ATP11A: variants seen among roughly 807,000 people sequenced by gnomAD.
ATP11A encodes the protein ATPase phospholipid transporting 11A, also known as phospholipid-transporting ATPase IH.
In ATP11A, 81 loss-of-function variants were observed where a neutral mutation model predicts 154.4. The ratio of observed to expected loss-of-function variants is 0.52; its 90% CI spans 0.44 to 0.63. The LOEUF (loss-of-function observed/expected upper bound fraction) is 0.63. ATP11A is among the 30% of genes least tolerant of loss of function. ATP11A has a pLI of 0.00. For synonymous variants in ATP11A, 623 were observed against 585.9 expected (o/e 1.06, Z -0.91); for missense variants, 1,316 against 1,474.3 (o/e 0.89, Z 1.76).
chr13:112,751,829 C>T (rs1670286752), intron 1 of ATP11A, among the ~76,000 whole-genome samples: 1 of 151,944 alleles, frequency 6.6e-6, no homozygotes, highest in South Asian at 2.1e-4. Context: ...CAGTGATTCT[C>T]CCGCCTCAGA....
chr13:112,745,880 C>G (rs1007821433), intron 1 of ATP11A: 1 of 152,326 alleles, frequency 6.6e-6, no homozygotes, highest in South Asian at 2.1e-4. Context: ...AGAAATTCTC[C>G]GTCTTGCAAA....
Position 112,882,681 on chromosome 13 carries a change from C to A in ATP11A, c.*815C>A. 2.5e-6 allele frequency: 1 copy of A among 399,806 alleles called. No homozygotes were observed. 24.8% of individuals were successfully genotyped at this position (399,806 alleles called of 1,614,324 possible). ...GCAGTGCCACGTGGGAGGACAAGGCCACGCCGGCAGCTTCCAGCCCTGCCG... is the reference window on the plus strand; with the variant it reads ...GCAGTGCCACGTGGGAGGACAAGGCAACGCCGGCAGCTTCCAGCCCTGCCG... On this transcript the variant is annotated 3_prime_UTR_variant, in exon 30 of 30. Coordinates refer to ENST00000375645, the MANE Select transcript of ATP11A (RefSeq NM_015205.3). This position sits in a 1 kb window ranked among gnomAD's most constrained non-coding sequence, Gnocchi z 5.1.
At chr13:112,810,324 T>C (rs1372569551) in intron 4 of ATP11A, among the ~76,000 whole-genome samples, 5 of 152,248 alleles carry the variant, frequency 3.3e-5, no homozygotes, top group Admixed American at 2.0e-4. Flanking sequence ...ATGTCATGAA[T>C]AGGCACAAAA....
intron 8 of ATP11A, among the ~76,000 whole-genome samples, chr13:112,823,127 T>A (rs547438522): frequency 1.3e-5 from 2 of 152,356 alleles, no homozygotes; most frequent in East Asian, 3.9e-4. Context: ...CCGCTACTCC[T>A]GGAGCCATGT....
At chr13:112,795,807 T>C (rs546053979) in intron 2 of ATP11A, among the ~76,000 whole-genome samples, 1 of 152,378 alleles carries the variant, frequency 6.6e-6, no homozygotes, top group African/African-American at 2.4e-5. Context: ...TTCTCAAATA[T>C]TTAAAAAGGT....
At chr13:112,834,008 G>C (rs1449157026) in intron 14 of ATP11A, among the ~76,000 whole-genome samples, 2 of 152,204 alleles carry the variant, frequency 1.3e-5, no homozygotes, top group African/African-American at 4.8e-5. Context: ...CTGGCCTCTC[G>C]CATCCCAAAG....
intron 24 of ATP11A, among the ~76,000 whole-genome samples, chr13:112,862,040 G>A (rs1566585813): frequency 6.6e-6 from 1 of 152,046 alleles, no homozygotes; most frequent in Non-Finnish European, 1.5e-5. Context: ...TCAGGCGTAA[G>A]GTGTCACAGC....
At chr13:112,773,018 G>T (rs554395064) in intron 1 of ATP11A, among the ~76,000 whole-genome samples, 187 of 152,306 alleles carry the variant, frequency 1.2e-3, no homozygotes, top group Admixed American at 2.4e-3. Context: ...GTCCACGTGG[G>T]CCATACAGGG....
At chr13:112,778,598 A>G (rs2139990779) in intron 1 of ATP11A, among the ~76,000 whole-genome samples, 1 of 152,252 alleles carries the variant, frequency 6.6e-6, no homozygotes, top group South Asian at 2.1e-4. Context: ...TGGAATGAGT[A>G]GCCGCTGGTT....
chr13:112,844,569 T>G (rs1224582225), intron 17 of ATP11A, among the ~76,000 whole-genome samples: 1 of 152,224 alleles, frequency 6.6e-6, no homozygotes, highest in Non-Finnish European at 1.5e-5. Context: ...TGGAGCTTCC[T>G]ATCAGCAGAA....
chr13:112,690,510 G>T lies in ATP11A; in HGVS notation c.39+55G>T. 1 of 1,268,564 alleles carries T rather than the reference G, an allele frequency of 7.9e-7. No homozygotes were observed. The allele number at this position is 1,268,564 out of a possible 1,614,324, so 78.6% of individuals were successfully genotyped here. ...CCGGGGACCAGACAGACGCGGGCCG[G>T]CCCCGCAGCCCGGACCCTGTGGCCG... is the stretch of plus-strand genomic sequence containing the variant. On this transcript the variant is annotated intron_variant, in intron 1 of 29. Transcript: ENST00000375645. The surrounding 1 kb of genome is among the most constrained non-coding windows in gnomAD (Gnocchi z 5.6).
At position 112,831,551 on chromosome 13, in the gene ATP11A, A is replaced by G. The variant is rs548666952; in HGVS notation, c.1395+3A>G. On this transcript the variant is annotated splice_donor_region_variant and intron_variant, in intron 13 of 29. Coordinates refer to ENST00000375645, the MANE Select transcript of ATP11A (RefSeq NM_015205.3). ...CGTCCCCCAGCGTCAACGGGAGGGT[A>G]GGTGGCAGCCCCCACGCCGTCCAAG... 21 of 1,613,642 alleles carry G rather than the reference A, an allele frequency of 1.3e-5. No individual in the cohort carries two copies. In the South Asian group the frequency reaches 2.1e-4, roughly 16 times the overall value.
rs546061711 is a variant in ATP11A at position 112,765,326 on chromosome 13, G to A, written c.40-19809G>A. Among the ~76,000 whole-genome samples the A allele has an allele frequency of 6.4e-4, 97 of 152,254 alleles. No homozygotes were observed. The East Asian group carries it at 0.017, about 27-fold the overall frequency. Reference sequence around the variant, plus strand: ...CATCCTTGGGGAGGCCTCTGAGGACGCCTGGAACCCCAGGCCCGCCCTGCC... The same window carrying A: ...CATCCTTGGGGAGGCCTCTGAGGACACCTGGAACCCCAGGCCCGCCCTGCC... On this transcript the variant is annotated intron_variant, in intron 1 of 29. Transcript: ENST00000375645.
At chr13:112,701,084 G>A (rs1295244893) in intron 1 of ATP11A, among the ~76,000 whole-genome samples, 1 of 152,188 alleles carries the variant, frequency 6.6e-6, no homozygotes, top group Non-Finnish European at 1.5e-5. Context: ...GTGGCCGGCG[G>A]CCACCTGAGA....
At chr13:112,801,542 C>T (rs1022567304) in intron 2 of ATP11A, among the ~76,000 whole-genome samples, 1 of 152,198 alleles carries the variant, frequency 6.6e-6, no homozygotes, top group African/African-American at 2.4e-5. Flanking sequence ...TGCAGAAAAT[C>T]CCAAAGAACC....
At chr13:112,850,145 G>C (rs1297059108) in intron 17 of ATP11A, among the ~76,000 whole-genome samples, 1 of 152,218 alleles carries the variant, frequency 6.6e-6, no homozygotes, top group East Asian at 1.9e-4. Context: ...TTCCCTGAGA[G>C]TTAGGAGACG....
At chr13:112,691,167 G>A (rs535516212) in intron 1 of ATP11A, among the ~76,000 whole-genome samples, 3 of 152,198 alleles carry the variant, frequency 2.0e-5, no homozygotes, top group African/African-American at 7.2e-5. Context: ...GGCGTTAGGT[G>A]TAAAAAGGGG....
chr13:112,729,968 A>T (rs1890318540), intron 1 of ATP11A, among the ~76,000 whole-genome samples: 1 of 152,236 alleles, frequency 6.6e-6, no homozygotes, highest in African/African-American at 2.4e-5. Flanking sequence ...CAAAGCTTGA[A>T]CTTAGGAAAA....
chr13:112,692,343 A>C (rs1566332956), intron 1 of ATP11A, among the ~76,000 whole-genome samples: 1 of 152,158 alleles, frequency 6.6e-6, no homozygotes, highest in East Asian at 1.9e-4. Flanking sequence ...TAGAAATGAG[A>C]GATGGATGGG....
Sources: allele counts gnomAD v4.1 joint callset (sites outside exome capture counted in the v4.1 genomes callset), GRCh38; gene constraint gnomAD v4.1.1; non-coding constraint Gnocchi (gnomAD v3.1); transcripts MANE v1.5; gene names NCBI Gene and HGNC (gene_info 2026-07-23, HGNC 2026-07-21).